Variants in AMOT observed in about 807,000 individuals in gnomAD.
AMOT encodes angiomotin.
Under a neutral mutation model 67.0 loss-of-function variants are expected in AMOT, and 11 were observed. The observed-to-expected ratio is 0.16, with a 90% CI of 0.10 to 0.27. The LOEUF is 0.27. Among genes scored for constraint, AMOT ranks in the 10% least tolerant of loss-of-function variants. The pLI, the probability that AMOT is intolerant of heterozygous loss-of-function variation, is 1.00. For synonymous variants in AMOT, 326 were observed against 321.4 expected (o/e 1.01, Z -0.15); for missense variants, 753 against 852.0 (o/e 0.88, Z 1.45).
chrX:112,788,278 G>A (rs1186805340), intron 10 of AMOT, among the ~76,000 whole-genome samples: 1 of 100,340 alleles, frequency 1.0e-5, no homozygotes, highest in Non-Finnish European at 2.0e-5. Context: ...AACAGAGCGA[G>A]ACTCCTTCTC....
At chrX:112,798,184 CA>C (rs1355067317) in intron 8 of AMOT, among the ~76,000 whole-genome samples, 1 of 112,148 alleles carries the variant, frequency 8.9e-6, no homozygotes, top group South Asian at 3.7e-4. Flanking sequence ...GTCTACTATG[CA>C]AATACTCAAA....
At chrX:112,813,114 G>C (rs770234980) in intron 5 of AMOT, among the ~76,000 whole-genome samples, 30 of 112,377 alleles carry the variant, frequency 2.7e-4, no homozygotes, top group African/African-American at 9.0e-4. Context: ...ATAGTTCAAG[G>C]CTGTCCGGTT....
At chrX:112,805,762 C>T (rs1272933497) in intron 7 of AMOT, among the ~76,000 whole-genome samples, 1 of 111,671 alleles carries the variant, frequency 9.0e-6, no homozygotes, top group Non-Finnish European at 1.9e-5. Context: ...AAACTGGAAG[C>T]CATGTTATGC....
Position 112,811,373 on chromosome X carries a change from G to A in AMOT, c.1413C>T (p.Arg471=), listed in dbSNP as rs1191538159. Residue 471 remains arginine (R), a synonymous_variant, in exon 6 of 14, where the codon CGC becomes CGT. Coordinates refer to ENST00000371959, the MANE Select transcript of AMOT (RefSeq NM_001113490.2). ...RLQKVETEIQ[R]VSEAYENLVK... is the part of the protein sequence containing the mutation. The stretch of plus-strand genomic sequence containing the variant: ...CGAGGTTCTCATATGCCTCCGAGAC[G>A]CGCTGGATTTCTGTCTCCACCTTAA... 6 of 1,206,584 alleles carry A rather than the reference G, an allele frequency of 5.0e-6. 1 individual carries two copies. Among genetic ancestry groups the A allele is most frequent in the East Asian group, 3.0e-5 (1 of 33,746 alleles).
intron 8 of AMOT, among the ~76,000 whole-genome samples, chrX:112,804,497 T>C (rs1344673919): frequency 8.9e-6 from 1 of 111,942 alleles, no homozygotes; most frequent in East Asian, 2.8e-4. Context: ...ATCCTTAGAG[T>C]ACTTTAAGCT....
chrX:112,811,243 C>G lies in AMOT; in HGVS notation c.1537+6G>C, dbSNP rs371120262. On this transcript the variant is annotated splice_donor_region_variant and intron_variant, in intron 6 of 13. Transcript: ENST00000371959. ...AGTACAAAGACAAGTCTGTTGGTTC[C>G]CTCACCTCTCAGATCCCTGTTGAAA... 2.6e-5 allele frequency: 32 copies of G among 1,207,847 alleles called. No homozygotes were observed. The highest frequency in any genetic ancestry group is 3.1e-5 in the Non-Finnish European group (28 of 894,085).
At chrX:112,819,444 G>C (rs1934656690) in intron 4 of AMOT, 7 of 736,422 alleles carry the variant, frequency 9.5e-6, no homozygotes, top group Non-Finnish European at 1.1e-5. Flanking sequence ...GAACTACAGA[G>C]TTAGGTCACC....
At chrX:112,795,300 T>TATAC (rs1308563279) in intron 8 of AMOT, among the ~76,000 whole-genome samples, 4 of 109,874 alleles carry the variant, frequency 3.6e-5, no homozygotes, top group African/African-American at 1.3e-4. Context: ...TACACACAGA[T>TATAC]ATACATATCA....
intron 8 of AMOT, 117 bp from the exon 9 acceptor site, chrX:112,792,098 A>G: frequency 1.2e-6 from 1 of 863,472 alleles, no homozygotes; most frequent in Non-Finnish European, 1.6e-6. Flanking sequence ...TTTAGAGTCC[A>G]GCTGCAAAAA....
At chrX:112,804,823 C>A (rs1934118948) in intron 8 of AMOT, 124 bp downstream of exon 8, 2 of 937,864 alleles carry the variant, frequency 2.1e-6, no homozygotes, top group Non-Finnish European at 2.9e-6. Context: ...AAACTAGGAG[C>A]AGCAGATGGC....
At chrX:112,781,164 G>C in intron 11 of AMOT, 46 bp from the exon 12 acceptor site, 1 of 1,132,554 alleles carries the variant, frequency 8.8e-7, no homozygotes, top group Non-Finnish European at 1.2e-6. Flanking sequence ...GTTGTGGGCT[G>C]GGCGCGGTGG....
At chrX:112,817,764 A>G (rs1180009802) in intron 4 of AMOT, among the ~76,000 whole-genome samples, 2 of 112,221 alleles carry the variant, frequency 1.8e-5, no homozygotes, top group African/African-American at 3.2e-5. Context: ...AAGAATTGAC[A>G]TGGTACTCAT....
chrX:112,838,544 C>T (rs1935191454), intron 1 of AMOT, among the ~76,000 whole-genome samples: 1 of 111,201 alleles, frequency 9.0e-6, no homozygotes, highest in Admixed American at 9.5e-5. Context: ...GCAGTCTTTA[C>T]AAAACCTCAG....
At position 112,777,528 on chromosome X, in the gene AMOT, C is replaced by T. The variant is rs1200874408; in HGVS notation, c.*1039G>A. The T allele has an allele frequency of 3.6e-5, 4 of 111,988 alleles. No individual in the cohort carries two copies. The allele number at this position is 111,988 out of a possible 1,213,427, so 9.2% of individuals were successfully genotyped here. A position where few individuals can be genotyped will look rare whatever the true frequency, so the allele number is the denominator to read the frequency against. ...AGACATATGCTTAGAATTTGACAAACAAAACAAGTTATTTCAAAGTAGTCA... is the reference window on the plus strand; with the variant it reads ...AGACATATGCTTAGAATTTGACAAATAAAACAAGTTATTTCAAAGTAGTCA... On this transcript the variant is annotated 3_prime_UTR_variant, in exon 14 of 14. Coordinates refer to ENST00000371959, the MANE Select transcript of AMOT (RefSeq NM_001113490.2).
At chrX:112,797,251 C>A (rs1933853328) in intron 8 of AMOT, among the ~76,000 whole-genome samples, 1 of 111,541 alleles carries the variant, frequency 9.0e-6, no homozygotes, top group African/African-American at 3.3e-5. Flanking sequence ...CATATCCAAT[C>A]TACTACTATG....
At position 112,779,698 on chromosome X, in the gene AMOT, A is replaced by G; in HGVS notation, c.2474-18T>C. Reference sequence around the variant, plus strand: ...GAGAATGCCTACAAATGAAAGAGGAACAGATGTTAGAAAACAATAGGTGAT... The same window carrying G: ...GAGAATGCCTACAAATGAAAGAGGAGCAGATGTTAGAAAACAATAGGTGAT... On this transcript the variant is annotated intron_variant, in intron 12 of 13. Coordinates refer to ENST00000371959, the MANE Select transcript of AMOT (RefSeq NM_001113490.2). 8.8e-7 allele frequency: 1 copy of G among 1,140,650 alleles called. No individual in the cohort carries two copies. The highest frequency in any genetic ancestry group is 1.2e-6 in the Non-Finnish European group (1 of 845,341). The allele number at this position is 1,140,650 out of a possible 1,213,427, so 94.0% of individuals were successfully genotyped here.
rs139684218 is a variant in AMOT at position 112,779,471 on chromosome X, C to T, written c.2683G>A (p.Ala895Thr). The change falls in exon 13 of 14, where the codon GCC becomes ACC. Residue 895 changes from alanine to threonine, a missense_variant. This residue lies in a region of AMOT where 269 missense variants were observed against 300.9 expected (regional missense o/e 0.89). Coordinates refer to ENST00000371959, the MANE Select transcript of AMOT (RefSeq NM_001113490.2). ...ATGGTGGCAGCAGTGGCAGTGATGGCGGCAGCAGTGGCGGCAGCAGCAACT... is the reference window on the plus strand; with the variant it reads ...ATGGTGGCAGCAGTGGCAGTGATGGTGGCAGCAGTGGCGGCAGCAGCAACT... ...APVAAAATAA[A>T]ITATAATITT... 5.1e-4 allele frequency: 617 copies of T among 1,202,297 alleles called. No homozygotes were observed. The highest frequency in any genetic ancestry group is 6.6e-4 in the Non-Finnish European group (591 of 891,443).
At chrX:112,809,055 G>A (rs958115934) in intron 7 of AMOT, among the ~76,000 whole-genome samples, 5 of 111,556 alleles carry the variant, frequency 4.5e-5, no homozygotes, top group African/African-American at 1.6e-4. Context: ...AGCAAAGATG[G>A]AAGAGAATGG....
At chrX:112,786,151 G>A (rs1292429757) in intron 10 of AMOT, among the ~76,000 whole-genome samples, 2 of 112,086 alleles carry the variant, frequency 1.8e-5, no homozygotes, top group Non-Finnish European at 3.8e-5. Context: ...CAGAAGGTAG[G>A]ATGAGAAGAA....
Sources: allele counts gnomAD v4.1 joint callset (sites outside exome capture counted in the v4.1 genomes callset), GRCh38; gene constraint gnomAD v4.1.1; regional missense constraint gnomAD v4.1.1; transcripts MANE v1.5; gene names NCBI Gene and HGNC (gene_info 2026-07-23, HGNC 2026-07-21).